The following PLCB1 variants were observed in gnomAD, a reference collection of about 807,000 sequenced individuals.
PLCB1 encodes 1-phosphatidylinositol 4,5-bisphosphate phosphodiesterase beta-1.
Under a neutral mutation model 161.8 loss-of-function variants are expected in PLCB1, and 46 were observed. The ratio of observed to expected loss-of-function variants is 0.28; its 90% CI spans 0.22 to 0.36. The LOEUF is 0.36. Among genes scored for constraint, PLCB1 ranks in the 10% least tolerant of loss-of-function variants. The probability of loss-of-function intolerance (pLI) is 1.00; values close to 1 mark genes in which losing one functional copy is unlikely to be tolerated. For synonymous variants in PLCB1, 517 were observed against 503.7 expected, an observed-to-expected ratio of 1.03 and a Z score of -0.35; for missense variants, 1,016 against 1,472.5, an observed-to-expected ratio of 0.69 and a Z score of 5.07.
chr20:8,635,601 T>C (rs1184424767), intron 4 of PLCB1, among the ~76,000 whole-genome samples: 5 of 152,208 alleles, frequency 3.3e-5, no homozygotes, highest in Non-Finnish European at 7.3e-5. Flanking sequence ...TTACTGTGAC[T>C]GTCACTTCCC....
At chr20:8,276,985 T>C (rs1481498410) in intron 2 of PLCB1, among the ~76,000 whole-genome samples, 4 of 118,864 alleles carry the variant, frequency 3.4e-5, no homozygotes, top group Admixed American at 8.0e-5. Context: ...TTCTTCTTCT[T>C]CTTATTATTA....
chr20:8,723,647 A>C (rs575698881), intron 15 of PLCB1, among the ~76,000 whole-genome samples: 1 of 152,172 alleles, frequency 6.6e-6, no homozygotes, highest in Non-Finnish European at 1.5e-5. Context: ...TTAATCAAAA[A>C]CCCCTATATG....
intron 31 of PLCB1, among the ~76,000 whole-genome samples, chr20:8,877,138 A>C (rs1359303528): frequency 6.6e-6 from 1 of 152,190 alleles, no homozygotes; most frequent in Non-Finnish European, 1.5e-5. Flanking sequence ...AACACATATT[A>C]GAGTACAAAA....
intron 23 of PLCB1, among the ~76,000 whole-genome samples, chr20:8,755,615 G>T (rs544636896): frequency 6.6e-6 from 1 of 152,284 alleles, no homozygotes; most frequent in East Asian, 1.9e-4. Flanking sequence ...ATTAGCTGCT[G>T]GAGGGTGTCG....
chr20:8,152,929 G>C (rs1179257618), intron 2 of PLCB1, among the ~76,000 whole-genome samples: 2 of 152,094 alleles, frequency 1.3e-5, no homozygotes, highest in Non-Finnish European at 2.9e-5. Flanking sequence ...CACATTTTAT[G>C]ATGTTCTATG....
chr20:8,711,436 C>T (rs146267151), intron 12 of PLCB1, among the ~76,000 whole-genome samples: 2 of 152,298 alleles, frequency 1.3e-5, no homozygotes, highest in South Asian at 2.1e-4. Flanking sequence ...TGCCATTGTA[C>T]TGCCCTTATG....
intron 24 of PLCB1, 109 bp downstream of exon 24, chr20:8,757,287 A>C: frequency 8.5e-7 from 1 of 1,178,462 alleles, no homozygotes; most frequent in Non-Finnish European, 1.2e-6. Flanking sequence ...GTGGGGAAAG[A>C]TGTGTGGACT....
At chr20:8,633,121 C>T (rs28716978) in intron 4 of PLCB1, among the ~76,000 whole-genome samples, 25 of 151,004 alleles carry the variant, frequency 1.7e-4, no homozygotes, top group African/African-American at 6.1e-4. Context: ...CACACACACA[C>T]ACACACACAC....
chr20:8,237,774 T>C (rs1251387506), intron 2 of PLCB1, among the ~76,000 whole-genome samples: 8 of 152,102 alleles, frequency 5.3e-5, no homozygotes, highest in Non-Finnish European at 8.8e-5. Context: ...AACCATGGGA[T>C]TAATTAGCTA....
chr20:8,657,368 G>C (rs1989490956), intron 8 of PLCB1, 84 bp downstream of exon 8: 1 of 802,168 alleles, frequency 1.2e-6, no homozygotes, highest in Admixed American at 1.7e-5. Context: ...GTGGTAATTG[G>C]AGATGGAAGA....
At chr20:8,306,592 A>G (rs1984147430) in intron 2 of PLCB1, among the ~76,000 whole-genome samples, 1 of 152,244 alleles carries the variant, frequency 6.6e-6, no homozygotes, top group South Asian at 2.1e-4. Context: ...AATCAAGCGA[A>G]GTAATGTCTG....
intron 3 of PLCB1, among the ~76,000 whole-genome samples, chr20:8,416,435 A>G (rs1016164183): frequency 5.3e-5 from 8 of 152,206 alleles, no homozygotes; most frequent in Non-Finnish European, 7.3e-5. Context: ...ATAAAACAAA[A>G]TTCTGAAGGC....
chr20:8,414,491 T>C (rs761230918), intron 3 of PLCB1, among the ~76,000 whole-genome samples: 5 of 152,106 alleles, frequency 3.3e-5, no homozygotes, highest in African/African-American at 4.8e-5. Context: ...TTCTGAATCC[T>C]GTATGAATGC....
At chr20:8,277,250 T>C (rs559627030) in intron 2 of PLCB1, among the ~76,000 whole-genome samples, 33 of 152,070 alleles carry the variant, frequency 2.2e-4, no homozygotes, top group Non-Finnish European at 4.0e-4. Flanking sequence ...AAATTATATG[T>C]GAAATCATCG....
intron 16 of PLCB1, among the ~76,000 whole-genome samples, chr20:8,726,217 T>C (rs1002555164): frequency 1.3e-5 from 2 of 152,148 alleles, no homozygotes; most frequent in Admixed American, 6.6e-5. Context: ...ATACTGCTCA[T>C]AATTGTTGGT....
intron 1 of PLCB1, among the ~76,000 whole-genome samples, chr20:8,134,871 A>C (rs1448674387): frequency 6.6e-6 from 1 of 151,804 alleles, no homozygotes; most frequent in Non-Finnish European, 1.5e-5. Flanking sequence ...TCTTTTTTAA[A>C]AAAAAAAAAA....
intron 3 of PLCB1, among the ~76,000 whole-genome samples, chr20:8,560,794 T>TCC (rs1986117314): frequency 6.6e-6 from 1 of 152,062 alleles, no homozygotes; most frequent in Non-Finnish European, 1.5e-5. Context: ...CATATGTGTG[T>TCC]ATTTTTATAT....
At chr20:8,403,335 C>A (rs936844465) in intron 3 of PLCB1, among the ~76,000 whole-genome samples, 3 of 150,544 alleles carry the variant, frequency 2.0e-5, no homozygotes, top group Admixed American at 6.6e-5. Context: ...GAGCTATGAT[C>A]GCACCACAGC....
At chr20:8,564,995 G>T (rs551798195) in intron 3 of PLCB1, among the ~76,000 whole-genome samples, 1 of 152,162 alleles carries the variant, frequency 6.6e-6, no homozygotes, top group South Asian at 2.1e-4. Flanking sequence ...GGGTATATAC[G>T]CAAAGGATTA....
Sources: allele counts gnomAD v4.1 joint callset (sites outside exome capture counted in the v4.1 genomes callset), GRCh38; gene constraint gnomAD v4.1.1; transcripts MANE v1.5; gene names NCBI Gene and HGNC (gene_info 2026-07-23, HGNC 2026-07-21).